Variants in TRPM3 observed in about 807,000 individuals in gnomAD.
TRPM3 encodes transient receptor potential cation channel subfamily M member 3.
TRPM3 carries 77 observed loss-of-function variants against 181.2 expected under a neutral mutation model. The observed-to-expected ratio is 0.42, with a 90% CI of 0.35 to 0.51. The LOEUF is 0.51. Among genes scored for constraint, TRPM3 ranks in the 20% least tolerant of loss-of-function variants. The pLI, the probability that TRPM3 is intolerant of heterozygous loss-of-function variation, is 0.01. For missense variants in TRPM3, 1,759 were observed against 2,196.7 expected (o/e 0.80, Z 3.98); for synonymous variants, 745 against 796.4 (o/e 0.94, Z 1.09).
At chr9:70,978,649 C>T (rs2097331493) in intron 1 of TRPM3, among the ~76,000 whole-genome samples, 1 of 152,218 alleles carries the variant, frequency 6.6e-6, no homozygotes, top group African/African-American at 2.4e-5. Context: ...TTGTTCCCGT[C>T]ATGGGGTAAG....
intron 25 of TRPM3, among the ~76,000 whole-genome samples, chr9:70,546,037 G>A (rs978766912): frequency 6.6e-6 from 1 of 152,154 alleles, no homozygotes; most frequent in African/African-American, 2.4e-5. Flanking sequence ...CTCAGAACAT[G>A]TTTGTTAAGT....
chr9:70,745,134 GT>G (rs2074924818), intron 8 of TRPM3, among the ~76,000 whole-genome samples: 1 of 152,140 alleles, frequency 6.6e-6, no homozygotes, highest in East Asian at 1.9e-4. Context: ...AGTGCTTATT[GT>G]TTTTTGCATA....
At chr9:70,585,622 CTCT>C (rs2056966610) in intron 22 of TRPM3, among the ~76,000 whole-genome samples, 1 of 152,134 alleles carries the variant, frequency 6.6e-6, no homozygotes, top group African/African-American at 2.4e-5. Context: ...TCTCCAGCTC[CTCT>C]GTTTTAAATC....
chr9:71,092,622 G>A (rs896737850), intron 1 of TRPM3, among the ~76,000 whole-genome samples: 2 of 152,016 alleles, frequency 1.3e-5, no homozygotes, highest in Non-Finnish European at 2.9e-5. Context: ...GAATACATTA[G>A]GTATTCAATT....
chr9:71,289,534 G>T (rs2085602009), intron 1 of TRPM3, among the ~76,000 whole-genome samples: 1 of 152,042 alleles, frequency 6.6e-6, no homozygotes, highest in African/African-American at 2.4e-5. Context: ...TAGTACAGTA[G>T]GAAAATCATA....
At chr9:70,741,776 G>C (rs77246340) in intron 8 of TRPM3, among the ~76,000 whole-genome samples, 23,009 of 152,108 alleles carry the variant, frequency 0.15, 2,325 homozygotes, top group East Asian at 0.39. Flanking sequence ...TAAGCTGTGA[G>C]GATGCAAAAA....
Position 70,929,224 on chromosome 9 carries a change from C to T in TRPM3, c.178-64713G>A, listed in dbSNP as rs530329835. On this transcript the variant is annotated intron_variant, in intron 1 of 25. Coordinates refer to ENST00000677713, the MANE Select transcript of TRPM3 (RefSeq NM_001366145.2). ...AATTTTTTCTTTTTCCTTTTTGAGA[C>T]TAAGTCTCACTCTATTGCCCAGGCT... Among the ~76,000 whole-genome samples, 19 of 150,892 alleles carry T rather than the reference C, an allele frequency of 1.3e-4. 1 individual carries two copies. Among genetic ancestry groups the T allele is most frequent in the Admixed American group, 1.3e-3 (19 of 15,132 alleles).
intron 1 of TRPM3, among the ~76,000 whole-genome samples, chr9:71,445,850 C>T (rs2094196535): frequency 6.6e-6 from 1 of 152,182 alleles, no homozygotes; most frequent in African/African-American, 2.4e-5. Context: ...AGTGGTGTAT[C>T]CTCCTTCCCC....
intron 6 of TRPM3, among the ~76,000 whole-genome samples, chr9:70,807,355 A>G (rs1038642857): frequency 7.2e-5 from 11 of 152,246 alleles, no homozygotes; most frequent in Admixed American, 2.0e-4. Flanking sequence ...AACACAGTCA[A>G]CTTTCTCAGA....
chr9:70,881,890 G>A (rs2096000626), intron 1 of TRPM3, among the ~76,000 whole-genome samples: 1 of 152,164 alleles, frequency 6.6e-6, no homozygotes, highest in Non-Finnish European at 1.5e-5. Context: ...TGAGGGTAGG[G>A]ACTGTGTCTC....
intron 8 of TRPM3, among the ~76,000 whole-genome samples, chr9:70,684,316 G>C (rs140811620): frequency 6.6e-6 from 1 of 152,124 alleles, no homozygotes; most frequent in Non-Finnish European, 1.5e-5. Flanking sequence ...CTGGAAAACC[G>C]ATGTGGGGGC....
chr9:70,762,423 T>G (rs1374242149), intron 7 of TRPM3, among the ~76,000 whole-genome samples: 1 of 152,196 alleles, frequency 6.6e-6, no homozygotes, highest in Admixed American at 6.5e-5. Context: ...AATTATGTCT[T>G]AAATATGAAT....
At chr9:71,280,423 G>A (rs1334493138) in intron 1 of TRPM3, among the ~76,000 whole-genome samples, 1 of 152,076 alleles carries the variant, frequency 6.6e-6, no homozygotes, top group Non-Finnish European at 1.5e-5. Context: ...GCTATGACAA[G>A]TAAAGCACGC....
At chr9:70,838,302 G>A (rs748830060) in intron 5 of TRPM3, among the ~76,000 whole-genome samples, 3 of 152,080 alleles carry the variant, frequency 2.0e-5, no homozygotes, top group Non-Finnish European at 4.4e-5. Context: ...AAATTTCCAA[G>A]GCGATAATGA....
upstream of TRPM3, among the ~76,000 whole-genome samples, chr9:71,122,820 C>T (rs1481559385): frequency 1.3e-5 from 2 of 152,166 alleles, no homozygotes; most frequent in East Asian, 1.9e-4. Flanking sequence ...TGACCTACCT[C>T]GTATAGTAAA....
At position 71,396,666 on chromosome 9, in the gene TRPM3, GA is replaced by G. The variant is rs386415047; in HGVS notation, c.183+49986del. Among the ~76,000 whole-genome samples, 398 of 139,354 alleles carry G rather than the reference GA, an allele frequency of 2.9e-3. 2 individuals carry two copies. Among genetic ancestry groups the G allele is most frequent in the South Asian group, 0.025 (109 of 4,394 alleles). The allele number at this position is 139,354 out of a possible 152,430, so 91.4% of individuals were successfully genotyped here. A position where few individuals can be genotyped will look rare whatever the true frequency, so the allele number is the denominator to read the frequency against. On this transcript the variant is annotated intron_variant, in intron 1 of 24. Transcript: ENST00000357533. ...CTTTGGAATAAAATTCCTCTTTAAGGAAAAAAAAAAAAATGCCGGGCGTGGT... is the reference window on the plus strand; with the variant it reads ...CTTTGGAATAAAATTCCTCTTTAAGGAAAAAAAAAAAATGCCGGGCGTGGT...
In TRPM3 at chr9:70,535,930, T is replaced by C; in HGVS notation, c.*23A>G. 6.4e-7 allele frequency: 1 copy of C among 1,550,588 alleles called. No homozygotes were observed. Among genetic ancestry groups the C allele is most frequent in the Non-Finnish European group, 8.7e-7 (1 of 1,151,200 alleles). ...ATTTTAGGGCTGGATTCTTGAGCCTTCTGTGGCGGATATTAAGAAGGTTTA... is the reference window on the plus strand; with the variant it reads ...ATTTTAGGGCTGGATTCTTGAGCCTCCTGTGGCGGATATTAAGAAGGTTTA... On this transcript the variant is annotated 3_prime_UTR_variant, in exon 26 of 26. Transcript: ENST00000677713.
chr9:70,630,458 T>C (rs921590827), intron 12 of TRPM3, among the ~76,000 whole-genome samples: 3 of 152,166 alleles, frequency 2.0e-5, no homozygotes, highest in African/African-American at 7.2e-5. Context: ...AAAGGATAGA[T>C]GGGGATGGGG....
chr9:70,789,717 A>T (rs933595426), intron 6 of TRPM3, among the ~76,000 whole-genome samples: 2 of 152,262 alleles, frequency 1.3e-5, no homozygotes, highest in Non-Finnish European at 2.9e-5. Flanking sequence ...ACATTAGAGC[A>T]TACGAAAATG....
Sources: gnomAD v4.1 joint callset for allele counts (sites outside exome capture counted in the v4.1 genomes callset) on GRCh38, gnomAD v4.1.1 for gene constraint, MANE v1.5 for transcripts, NCBI Gene and HGNC (gene_info 2026-07-23, HGNC 2026-07-21) for gene names.